The following ALK variants were observed in gnomAD, a reference collection of about 807,000 sequenced individuals.
ALK encodes the protein ALK receptor tyrosine kinase, also known as ALK tyrosine kinase receptor.
A neutral mutation model predicts 163.1 loss-of-function variants in ALK; 74 were observed. That is an observed-to-expected ratio of 0.45 (90% CI 0.38 to 0.55). ALK has a LOEUF of 0.55. ALK is among the 20% of genes least tolerant of loss of function. ALK has a pLI of 0.00. For missense variants in ALK, 2,063 were observed against 2,105.3 expected (o/e 0.98, Z 0.39); for synonymous variants, 960 against 843.2 (o/e 1.14, Z -2.40).
intron 4 of ALK, among the ~76,000 whole-genome samples, chr2:29,401,119 C>G (rs1669434276): frequency 6.6e-6 from 1 of 152,142 alleles, no homozygotes; most frequent in Non-Finnish European, 1.5e-5. Flanking sequence ...GGAGGTGGCT[C>G]CTTTAGCTAC....
At position 29,281,825 on chromosome 2, in the gene ALK, G is replaced by A. The variant is rs149519910; in HGVS notation, c.1818-6329C>T. On this transcript the variant is annotated intron_variant, in intron 9 of 28. Transcript: ENST00000389048. ...TCGGGCAGATCTCTGCCTGAGAAAT[G>A]CCGATGCTGCTCACGTACGACTCAG... Among the ~76,000 whole-genome samples the A allele has an allele frequency of 8.5e-5, 13 of 152,332 alleles. No individual in the cohort carries two copies. In the East Asian group the frequency reaches 2.5e-3, roughly 29 times the overall value.
intron 11 of ALK, among the ~76,000 whole-genome samples, chr2:29,251,624 A>G (rs766376873): frequency 4.6e-5 from 7 of 152,178 alleles, no homozygotes; most frequent in South Asian, 2.1e-4. Flanking sequence ...GAAGGGGAGA[A>G]GGCCCCTGCA....
Position 29,796,123 on chromosome 2 carries a change from T to C in ALK, c.668-78426A>G, listed in dbSNP as rs922346826. ...GTCTAAACAGAAGATCTAGGTATTATGGCAGAAAAATAGATAAATAGATAA... is the reference window on the plus strand; with the variant it reads ...GTCTAAACAGAAGATCTAGGTATTACGGCAGAAAAATAGATAAATAGATAA... On this transcript the variant is annotated intron_variant, in intron 1 of 28. Coordinates refer to ENST00000389048, the MANE Select transcript of ALK (RefSeq NM_004304.5). 3.3e-5 allele frequency among the ~76,000 whole-genome samples: 5 copies of C among 152,200 alleles called. No individual in the cohort carries two copies. In the East Asian group the frequency reaches 7.7e-4, roughly 23 times the overall value.
chr2:29,430,650 A>G (rs1422104268), intron 4 of ALK, among the ~76,000 whole-genome samples: 1 of 152,248 alleles, frequency 6.6e-6, no homozygotes, highest in African/African-American at 2.4e-5. Flanking sequence ...ACAGCTAGTA[A>G]GTCAATTCTG....
intron 4 of ALK, among the ~76,000 whole-genome samples, chr2:29,452,498 T>A (rs1194576517): frequency 6.6e-6 from 1 of 152,176 alleles, no homozygotes. Flanking sequence ...ATTTCGTTAC[T>A]TCTTCATTGT....
chr2:29,473,467 T>C (rs971415729), intron 4 of ALK, among the ~76,000 whole-genome samples: 7 of 152,024 alleles, frequency 4.6e-5, no homozygotes, highest in Non-Finnish European at 1.0e-4. Context: ...TTGGAGAAAA[T>C]ATCTGCAATA....
chr2:29,788,634 C>T (rs1664106766), intron 1 of ALK, among the ~76,000 whole-genome samples: 1 of 152,146 alleles, frequency 6.6e-6, no homozygotes, highest in Admixed American at 6.5e-5. Flanking sequence ...AGCAAAGAGA[C>T]TCAAAGAACC....
chr2:29,573,320 C>T (rs1427098105), intron 3 of ALK, among the ~76,000 whole-genome samples: 1 of 152,228 alleles, frequency 6.6e-6, no homozygotes, highest in African/African-American at 2.4e-5. Context: ...TAGGCACCTG[C>T]TCTGTGCCAG....
At chr2:29,345,512 C>T (rs889216225) in intron 5 of ALK, among the ~76,000 whole-genome samples, 2 of 151,868 alleles carry the variant, frequency 1.3e-5, no homozygotes, top group Non-Finnish European at 2.9e-5. Flanking sequence ...TTACATACTG[C>T]TGGTGAGAAG....
At chr2:29,201,171 A>C (rs1239813717) in intron 26 of ALK, among the ~76,000 whole-genome samples, 3 of 152,100 alleles carry the variant, frequency 2.0e-5, no homozygotes, top group Non-Finnish European at 4.4e-5. Context: ...GCCAAAAATT[A>C]ATATCTTTAA....
intron 3 of ALK, among the ~76,000 whole-genome samples, chr2:29,565,775 G>T (rs1329333038): frequency 6.6e-6 from 1 of 152,068 alleles, no homozygotes; most frequent in South Asian, 2.1e-4. Flanking sequence ...CTGACAGATT[G>T]TTCCTCTCAA....
Position 29,860,403 on chromosome 2 carries a change from A to C in ALK, c.667+59590T>G, listed in dbSNP as rs78719818. 4.0e-3 allele frequency among the ~76,000 whole-genome samples: 606 copies of C among 152,028 alleles called. 7 individuals carry two copies. The highest frequency in any genetic ancestry group is 0.014 in the African/African-American group (575 of 41,488). On this transcript the variant is annotated intron_variant, in intron 1 of 28. Transcript: ENST00000389048. The stretch of plus-strand genomic sequence containing the variant: ...GTTAAGGAAAGGGAGAAAAAAAAAA[A>C]AAAACAGAAAAGAAATTAGGAAAAC...
rs542677802 is a variant in ALK, at chr2:29,229,123, G to A, written c.2633-57C>T. The A allele has an allele frequency of 5.4e-4, 835 of 1,544,270 alleles. 10 individuals carry two copies. In the South Asian group the frequency reaches 8.3e-3, roughly 15 times the overall value. ...ATGCTGGCAAGGTTCAATTAGCCAT[G>A]CTGGCCAGAGAAGCAGGATGCAGGA... On this transcript the variant is annotated intron_variant, in intron 15 of 28. Transcript: ENST00000389048.
intron 12 of ALK, among the ~76,000 whole-genome samples, chr2:29,244,705 T>C (rs1471317854): frequency 6.6e-6 from 1 of 152,242 alleles, no homozygotes; most frequent in Admixed American, 6.5e-5. Flanking sequence ...TCAAACTTAA[T>C]TCTGCCTGCA....
At chr2:29,471,576 C>A (rs6712076) in intron 4 of ALK, among the ~76,000 whole-genome samples, 122,881 of 152,110 alleles carry the variant, frequency 0.81, 50,041 homozygotes, top group Non-Finnish European at 0.86. Flanking sequence ...CATTTGATAT[C>A]ATTCATTACC....
intron 1 of ALK, among the ~76,000 whole-genome samples, chr2:29,771,613 T>A (rs566245993): frequency 2.0e-5 from 3 of 151,884 alleles, no homozygotes; most frequent in Non-Finnish European, 4.4e-5. Flanking sequence ...CGACTCACTG[T>A]AAGCTCCACC....
chr2:29,617,950 C>T (rs931071525), intron 3 of ALK, among the ~76,000 whole-genome samples: 3 of 152,196 alleles, frequency 2.0e-5, no homozygotes, highest in African/African-American at 7.2e-5. Flanking sequence ...TCTTCTAGCA[C>T]CACCGTTGGG....
At chr2:29,864,651 C>T (rs1305534121) in intron 1 of ALK, among the ~76,000 whole-genome samples, 3 of 152,102 alleles carry the variant, frequency 2.0e-5, no homozygotes, top group Non-Finnish European at 4.4e-5. Flanking sequence ...CATAGTATTT[C>T]TTCATACATA....
chr2:29,786,823 G>A (rs1421320716), intron 1 of ALK, among the ~76,000 whole-genome samples: 1 of 151,966 alleles, frequency 6.6e-6, no homozygotes, highest in African/African-American at 2.4e-5. Flanking sequence ...ATGGAGTGTT[G>A]CTCTGTAGCC....
Sources: allele counts gnomAD v4.1 joint callset (sites outside exome capture counted in the v4.1 genomes callset), GRCh38; gene constraint gnomAD v4.1.1; transcripts MANE v1.5; gene names NCBI Gene and HGNC (gene_info 2026-07-23, HGNC 2026-07-21).